Variants in TMEM94 observed in about 807,000 individuals in gnomAD.
The protein encoded by TMEM94 is transmembrane protein 94, also known as ER Mg2+ ATPase.
A neutral mutation model predicts 158.6 loss-of-function variants in TMEM94; 81 were observed. The observed-to-expected ratio is 0.51, with a 90% confidence interval of 0.43 to 0.61. TMEM94 has a LOEUF of 0.61. Among genes scored for constraint, TMEM94 ranks in the 20% least tolerant of loss-of-function variants. TMEM94 has a pLI of 0.00. For synonymous variants in TMEM94, 751 were observed against 730.7 expected, an observed-to-expected ratio of 1.03 and a Z score of -0.45; for missense variants, 1,435 against 1,762.0, an observed-to-expected ratio of 0.81 and a Z score of 3.32.
At chr17:75,465,679 A>ATATATATATATTTTTTTT (rs1247855961) in intron 1 of TMEM94, among the ~76,000 whole-genome samples, 6 of 124,844 alleles carry the variant, frequency 4.8e-5, no homozygotes, top group Non-Finnish European at 8.0e-5. Context: ...ATATATATAT[A>ATATATATATATTTTTTTT]TTTTTTTTTA....
At chr17:75,476,999 A>G (rs1431765257) in intron 2 of TMEM94, among the ~76,000 whole-genome samples, 1 of 152,148 alleles carries the variant, frequency 6.6e-6, no homozygotes, top group Non-Finnish European at 1.5e-5. Flanking sequence ...CTCCCAGGGG[A>G]TACCCTGCCA....
At chr17:75,475,071 G>C (rs1282735255) in intron 2 of TMEM94, among the ~76,000 whole-genome samples, 1 of 152,188 alleles carries the variant, frequency 6.6e-6, no homozygotes, top group African/African-American at 2.4e-5. Flanking sequence ...TGGACTTGTA[G>C]CTCCCACCCG....
intron 2 of TMEM94, among the ~76,000 whole-genome samples, chr17:75,483,962 A>G (rs1251497483): frequency 2.0e-5 from 3 of 152,188 alleles, no homozygotes; most frequent in Non-Finnish European, 1.5e-5. Flanking sequence ...TAGGTGGCCT[A>G]TGGGGTAGAC....
rs1395861133 is a variant in TMEM94, at chr17:75,489,045, A to G, written c.764+135A>G. 5 of 1,031,638 alleles carry G rather than the reference A, an allele frequency of 4.8e-6. No homozygotes were observed. The highest frequency in any genetic ancestry group is 2.5e-5 in the Admixed American group (1 of 40,562). The allele number at this position is 1,031,638 out of a possible 1,614,324, so 63.9% of individuals were successfully genotyped here. ...ATCTCCTTAGGCTCCTGTCCTTAACATCTTGTGAGAATTCTTAGACTGAGT... is the reference window on the plus strand; with the variant it reads ...ATCTCCTTAGGCTCCTGTCCTTAACGTCTTGTGAGAATTCTTAGACTGAGT... On this transcript the variant is annotated intron_variant, in intron 7 of 31. Coordinates refer to ENST00000314256, the MANE Select transcript of TMEM94 (RefSeq NM_014738.6). This position sits in a 1 kb window ranked among gnomAD's most constrained non-coding sequence, Gnocchi z 5.0.
Position 75,498,445 on chromosome 17 carries a change from AACG to A in TMEM94, c.3646_3648del (p.Asp1216del). ...TGAGCCCATGCCTCACTTTGGCAGC[AACG>A]ACGACAGGGCTCCAGCCTGGTTTGA... On this transcript the variant is annotated inframe_deletion and splice_region_variant, in exon 29 of 32. Transcript: ENST00000314256. The surrounding 1 kb of genome is among the most constrained non-coding windows in gnomAD (Gnocchi z 6.7). The A allele has an allele frequency of 1.9e-6, 3 of 1,588,162 alleles. No homozygotes were observed. The highest frequency in any genetic ancestry group is 2.6e-6 in the Non-Finnish European group (3 of 1,164,988).
rs956901053 is a variant in TMEM94, at chr17:75,491,801, C to G, written c.1497C>G (p.Pro499=). 1.1e-5 allele frequency: 17 copies of G among 1,614,096 alleles called. No homozygotes were observed. The highest frequency in any genetic ancestry group is 1.4e-5 in the Non-Finnish European group (16 of 1,180,036). Reference sequence around the variant, plus strand: ...GCGAGGCTCCCAAGCCCCCCGAGCCCTATTCACACCACAAAGCGCATGGCC... The same window carrying G: ...GCGAGGCTCCCAAGCCCCCCGAGCCGTATTCACACCACAAAGCGCATGGCC... ...WPGEAPKPPE[P]YSHHKAHGRS... The change falls in exon 14 of 32, where the codon CCC becomes CCG. Residue 499 remains proline (P), a synonymous_variant. Coordinates refer to ENST00000314256, the MANE Select transcript of TMEM94 (RefSeq NM_014738.6). This position sits in a 1 kb window ranked among gnomAD's most constrained non-coding sequence, Gnocchi z 5.1.
Position 75,485,821 on chromosome 17 carries a change from T to C in TMEM94, c.145-50T>C, listed in dbSNP as rs774192956. On this transcript the variant is annotated intron_variant, in intron 3 of 31. Transcript: ENST00000314256. This position sits in a 1 kb window ranked among gnomAD's most constrained non-coding sequence, Gnocchi z 5.5. ...AAGGGTGCCGGGGGAGGCAGCCAGA[T>C]TGGAGTGGGACAGGCCTCTCATTGT... 1 of 1,554,962 alleles carries C rather than the reference T, an allele frequency of 6.4e-7. No individual in the cohort carries two copies. The highest frequency in any genetic ancestry group is 1.8e-5 in the Admixed American group (1 of 54,654).
At chr17:75,486,243 G>C (rs1339874655) in intron 4 of TMEM94, 47 bp from the exon 5 acceptor site, 2 of 1,609,730 alleles carry the variant, frequency 1.2e-6, no homozygotes, top group East Asian at 4.5e-5. Flanking sequence ...TGCTGGGTGG[G>C]CGAGCCCTCA....
At chr17:75,490,172 TC>T in intron 9 of TMEM94, 61 bp from the exon 10 acceptor site, 1 of 1,583,434 alleles carries the variant, frequency 6.3e-7, no homozygotes, top group Non-Finnish European at 8.6e-7. Context: ...GGGCAGCCCT[TC>T]CCTTCCCTCC....
intron 26 of TMEM94, 137 bp from the exon 27 acceptor site, chr17:75,497,644 G>A (rs2052850023): frequency 3.0e-6 from 2 of 659,294 alleles, no homozygotes; most frequent in Non-Finnish European, 5.4e-6. Flanking sequence ...GTGAGCCACT[G>A]CCGTCCAGCC....
At chr17:75,467,832 C>G (rs2050364558) in intron 1 of TMEM94, among the ~76,000 whole-genome samples, 1 of 152,174 alleles carries the variant, frequency 6.6e-6, no homozygotes. Context: ...GCGCCCGGCC[C>G]CATTTCTTTT....
At position 75,495,686 on chromosome 17, in the gene TMEM94, C is replaced by G. The variant is rs1229197999; in HGVS notation, c.2944+43C>G. The G allele has an allele frequency of 6.3e-7, 1 of 1,580,752 alleles. No homozygotes were observed. Among genetic ancestry groups the G allele is most frequent in the East Asian group, 2.2e-5 (1 of 44,700 alleles). ...GGGTACTTGGGCAACCTGGTCCCGTCGGCTGAGCTCTGCCTGGGCCTGCGT... is the reference window on the plus strand; with the variant it reads ...GGGTACTTGGGCAACCTGGTCCCGTGGGCTGAGCTCTGCCTGGGCCTGCGT... On this transcript the variant is annotated intron_variant, in intron 22 of 31. Transcript: ENST00000314256. The surrounding 1 kb of genome is among the most constrained non-coding windows in gnomAD (Gnocchi z 5.6).
chr17:75,485,687 C>G lies in TMEM94; in HGVS notation c.144+140C>G. 1 of 1,369,404 alleles carries G rather than the reference C, an allele frequency of 7.3e-7. No individual in the cohort carries two copies. The allele number at this position is 1,369,404 out of a possible 1,614,324, so 84.8% of individuals were successfully genotyped here. Reference sequence around the variant, plus strand: ...GGCCTCATGAAATATCAGAAAGAAGCCAAGGTTCCCCTCAGAGTGGCTCCT... The same window carrying G: ...GGCCTCATGAAATATCAGAAAGAAGGCAAGGTTCCCCTCAGAGTGGCTCCT... On this transcript the variant is annotated intron_variant, in intron 3 of 31. Coordinates refer to ENST00000314256, the MANE Select transcript of TMEM94 (RefSeq NM_014738.6). The surrounding 1 kb of genome is among the most constrained non-coding windows in gnomAD (Gnocchi z 5.5).
chr17:75,461,996 G>GTTTTT (rs1212545027), intron 1 of TMEM94, among the ~76,000 whole-genome samples: 13 of 66,052 alleles, frequency 2.0e-4, no homozygotes, highest in Non-Finnish European at 3.2e-4. Flanking sequence ...AGTTTTTTTT[G>GTTTTT]TTTTGTTTTG....
chr17:75,476,548 G>A (rs2050700076), intron 2 of TMEM94: 1 of 1,455,456 alleles, frequency 6.9e-7, no homozygotes, highest in East Asian at 2.5e-5. Context: ...ATTCTGTGCA[G>A]CACCCGGCTT....
intron 31 of TMEM94, 21 bp from the exon 32 acceptor site, chr17:75,499,241 T>G (rs747582343): frequency 6.2e-7 from 1 of 1,613,414 alleles, no homozygotes; most frequent in Non-Finnish European, 8.5e-7. Flanking sequence ...CAACCTGTAC[T>G]TTAATCTCCT....
chr17:75,492,369 C>G lies in TMEM94; in HGVS notation c.1597-105C>G. On this transcript the variant is annotated intron_variant, in intron 14 of 31. Transcript: ENST00000314256. This position sits in a 1 kb window ranked among gnomAD's most constrained non-coding sequence, Gnocchi z 4.4. ...AGCAGCTCTCTCCTGGGAAGGGTGC[C>G]TTTCAGGGGCAGGAGCCCTCCCCAG... The G allele has an allele frequency of 6.8e-7, 1 of 1,460,868 alleles. No homozygotes were observed. The highest frequency in any genetic ancestry group is 1.4e-5 in the South Asian group (1 of 69,582). The allele number at this position is 1,460,868 out of a possible 1,614,324, so 90.5% of individuals were successfully genotyped here. A position where few individuals can be genotyped will look rare whatever the true frequency, so the allele number is the denominator to read the frequency against.
intron 1 of TMEM94, among the ~76,000 whole-genome samples, chr17:75,460,373 C>G (rs1598294458): frequency 6.6e-6 from 1 of 152,088 alleles, no homozygotes; most frequent in East Asian, 1.9e-4. Context: ...CTGGGAAACA[C>G]TTAAAAAAGA....
Position 75,498,140 on chromosome 17 carries a change from G to T in TMEM94, c.3490-35G>T. On this transcript the variant is annotated intron_variant, in intron 27 of 31. Coordinates refer to ENST00000314256, the MANE Select transcript of TMEM94 (RefSeq NM_014738.6). The surrounding 1 kb of genome is among the most constrained non-coding windows in gnomAD (Gnocchi z 6.7). ...GCTAGGAGCAGCCGGCAGAGGGGCT[G>T]TGCGCCCCAGGAGTGACTGGCCTTG... The T allele has an allele frequency of 6.2e-7, 1 of 1,609,396 alleles. No individual in the cohort carries two copies. The highest frequency in any genetic ancestry group is 1.1e-5 in the South Asian group (1 of 91,010).
Sources: allele counts gnomAD v4.1 joint callset (sites outside exome capture counted in the v4.1 genomes callset), GRCh38; gene constraint gnomAD v4.1.1; non-coding constraint Gnocchi (gnomAD v3.1); transcripts MANE v1.5; gene names NCBI Gene and HGNC (gene_info 2026-07-23, HGNC 2026-07-21).